TDRD12: variants seen among roughly 807,000 people sequenced by gnomAD.
TDRD12 encodes the protein tudor domain containing 12.
In TDRD12, 158 loss-of-function variants were observed where a neutral mutation model predicts 133.5. The ratio of observed to expected loss-of-function variants is 1.18; its 90% CI spans 1.04 to 1.35. TDRD12 has a LOEUF of 1.35. TDRD12 is among the 40% of genes most tolerant of loss of function. The pLI is 0.00. For synonymous variants in TDRD12, 460 were observed against 477.9 expected, an observed-to-expected ratio of 0.96 and a Z score of 0.49; for missense variants, 1,443 against 1,321.3, an observed-to-expected ratio of 1.09 and a Z score of -1.43.
intron 11 of TDRD12, among the ~76,000 whole-genome samples, chr19:32,784,951 T>A (rs996187721): frequency 1.7e-4 from 26 of 152,122 alleles, no homozygotes; most frequent in African/African-American, 6.0e-4. Context: ...GATTCATTGA[T>A]TTTTTTGAAG....
chr19:32,728,421 T>G (rs1226733709), intron 1 of TDRD12, among the ~76,000 whole-genome samples: 1 of 152,170 alleles, frequency 6.6e-6, no homozygotes, highest in Non-Finnish European at 1.5e-5. Flanking sequence ...TATTTATGTC[T>G]TCTTTAATTT....
Position 32,808,719 on chromosome 19 carries a change from A to T in TDRD12, c.2652+1071A>T, listed in dbSNP as rs541932371. On this transcript the variant is annotated intron_variant, in intron 22 of 27. Transcript: ENST00000444215. ...CTACGGTTTTCATTATTGAATTTTT[A>T]AAAAAATTTCTAACTCTTTCCTGCA... 5.6e-4 allele frequency among the ~76,000 whole-genome samples: 86 copies of T among 152,226 alleles called. 1 individual carries two copies. Among genetic ancestry groups the T allele is most frequent in the South Asian group, 5.6e-3 (27 of 4,818 alleles).
intron 14 of TDRD12, chr19:32,796,266 C>T (rs1971222754): frequency 1.2e-6 from 1 of 815,990 alleles, no homozygotes; most frequent in African/African-American, 1.9e-5. Flanking sequence ...TCTAACCGTG[C>T]CATGCAGTTT....
At chr19:32,737,007 AC>A (rs1188671637) in intron 2 of TDRD12, among the ~76,000 whole-genome samples, 4 of 97,246 alleles carry the variant, frequency 4.1e-5, no homozygotes, top group Non-Finnish European at 8.0e-5. Flanking sequence ...TGCTCAGGAC[AC>A]TTAACATTAG....
intron 11 of TDRD12, among the ~76,000 whole-genome samples, chr19:32,778,906 C>A (rs1278586139): frequency 6.6e-6 from 1 of 152,220 alleles, no homozygotes; most frequent in African/African-American, 2.4e-5. Context: ...TAAACAACAT[C>A]AGTTATCCTG....
chr19:32,720,812 C>T (rs1968628824), intron 1 of TDRD12, among the ~76,000 whole-genome samples: 1 of 120,000 alleles, frequency 8.3e-6, no homozygotes, highest in African/African-American at 3.4e-5. Flanking sequence ...CCCGCCCTCC[C>T]CCACCTGAAC....
chr19:32,793,331 C>A (rs533306513), intron 13 of TDRD12, among the ~76,000 whole-genome samples: 2 of 152,254 alleles, frequency 1.3e-5, no homozygotes, highest in Admixed American at 6.5e-5. Flanking sequence ...TCCCTTCCAA[C>A]CTTTGTCAAG....
chr19:32,824,734 GC>G (rs1463660266), downstream of TDRD12, among the ~76,000 whole-genome samples: 2 of 151,906 alleles, frequency 1.3e-5, no homozygotes, highest in Non-Finnish European at 2.9e-5. Flanking sequence ...TCTTTGTCCT[GC>G]CCCACCCCCC....
downstream of TDRD12, chr19:32,825,970 A>G (rs935394081): frequency 2.2e-5 from 14 of 649,512 alleles, no homozygotes; most frequent in African/African-American, 1.8e-4. The surrounding 1 kb of genome is among the most constrained non-coding windows in gnomAD (Gnocchi z 4.1). Context: ...GGGTTACTCA[A>G]TTTACACTTT....
At chr19:32,773,226 G>T (rs983502379) in intron 9 of TDRD12, among the ~76,000 whole-genome samples, 1 of 152,166 alleles carries the variant, frequency 6.6e-6, no homozygotes, top group African/African-American at 2.4e-5. Flanking sequence ...TTTAAGTACT[G>T]ACGATCTGGA....
downstream of TDRD12, chr19:32,825,962 G>T (rs1056772003): frequency 2.5e-5 from 15 of 608,828 alleles, no homozygotes; most frequent in African/African-American, 2.6e-4. The surrounding 1 kb of genome is among the most constrained non-coding windows in gnomAD (Gnocchi z 4.1). Context: ...AGATACTAGG[G>T]TTACTCAATT....
chr19:32,779,918 T>C (rs1182710655), intron 11 of TDRD12, among the ~76,000 whole-genome samples: 4 of 152,110 alleles, frequency 2.6e-5, no homozygotes, highest in African/African-American at 9.7e-5. Context: ...GAGCTCTCTC[T>C]GCAGTTCTTT....
downstream of TDRD12, chr19:32,826,182 G>A: frequency 6.5e-7 from 1 of 1,533,796 alleles, no homozygotes; most frequent in Non-Finnish European, 8.7e-7. Flanking sequence ...TCGGCATGGA[G>A]GAGTCGGCGT....
chr19:32,807,265 CTTAAAAAAAAAA>C (rs1273197034), intron 21 of TDRD12, among the ~76,000 whole-genome samples: 39 of 38,438 alleles, frequency 1.0e-3, no homozygotes, highest in African/African-American at 9.7e-3. Context: ...AGACCAAACT[CTTAAAAAAAAAA>C]AAAAAAAAAA....
chr19:32,804,051 A>G (rs1211344724), intron 21 of TDRD12, among the ~76,000 whole-genome samples: 2 of 151,850 alleles, frequency 1.3e-5, no homozygotes, highest in African/African-American at 4.8e-5. Flanking sequence ...CTGATGATGA[A>G]CAGGCATTTT....
At chr19:32,752,663 C>T (rs1969866136) in intron 6 of TDRD12, among the ~76,000 whole-genome samples, 1 of 152,064 alleles carries the variant, frequency 6.6e-6, no homozygotes, top group Non-Finnish European at 1.5e-5. Flanking sequence ...TTAGGTGCTC[C>T]TTCAAAGGGG....
At chr19:32,798,820 C>A (rs1174534006) in intron 16 of TDRD12, among the ~76,000 whole-genome samples, 1 of 152,058 alleles carries the variant, frequency 6.6e-6, no homozygotes, top group Admixed American at 6.5e-5. Context: ...TCTTTGAATT[C>A]TTGTGTTTGT....
chr19:32,781,687 TTCTCTCTCTCTC>T (rs35069423), intron 11 of TDRD12, among the ~76,000 whole-genome samples: 4 of 148,292 alleles, frequency 2.7e-5, no homozygotes, highest in Non-Finnish European at 6.0e-5. Context: ...TCCTTTCCTT[TTCTCTCTCTCTC>T]TCTCTCTCTC....
intron 15 of TDRD12, 99 bp downstream of exon 15, chr19:32,797,990 G>T (rs771159700): frequency 3.0e-5 from 18 of 597,542 alleles, no homozygotes; most frequent in Non-Finnish European, 5.0e-5. Context: ...GGTCCACAGT[G>T]ACATGGCTTG....
Sources: gnomAD v4.1 joint callset for allele counts (sites outside exome capture counted in the v4.1 genomes callset) on GRCh38, gnomAD v4.1.1 for gene constraint, Gnocchi (gnomAD v3.1) non-coding constraint, MANE v1.5 for transcripts, NCBI Gene and HGNC (gene_info 2026-07-23, HGNC 2026-07-21) for gene names.